The following BTBD16 variants were observed in gnomAD, a reference collection of about 807,000 sequenced individuals.
BTBD16 encodes BTB domain containing 16.
In BTBD16, 66 loss-of-function variants were observed where a neutral mutation model predicts 67.4. That is an observed-to-expected ratio of 0.98 (90% CI 0.80 to 1.20). BTBD16 has a LOEUF of 1.20. BTBD16 is among the 50% of genes most tolerant of loss of function. BTBD16 has a pLI of 0.00. For missense variants in BTBD16, 634 were observed against 616.0 expected, an observed-to-expected ratio of 1.03 and a Z score of -0.31; for synonymous variants, 242 against 236.4, an observed-to-expected ratio of 1.02 and a Z score of -0.22.
rs1202072540 is a variant in BTBD16 at position 122,287,038 on chromosome 10, AG to A, written c.385+791del. Among the ~76,000 whole-genome samples, 4 of 152,218 alleles carry A rather than the reference AG, an allele frequency of 2.6e-5. 1 individual carries two copies. The highest frequency in any genetic ancestry group is 2.6e-4 in the Admixed American group (4 of 15,284). On this transcript the variant is annotated intron_variant, in intron 5 of 15. Coordinates refer to ENST00000260723, the MANE Select transcript of BTBD16 (RefSeq NM_144587.5). ...CCTGTTATTCTAGAGCCAGACAGGC[AG>A]CCGGAGCCCCCAGTCACTCCCCCTC...
intron 7 of BTBD16, among the ~76,000 whole-genome samples, chr10:122,294,871 TC>T (rs1171780561): frequency 6.6e-6 from 1 of 152,222 alleles, no homozygotes; most frequent in Non-Finnish European, 1.5e-5. Flanking sequence ...CACTCATTTC[TC>T]CCCTGCAACT....
intron 9 of BTBD16, among the ~76,000 whole-genome samples, chr10:122,304,702 T>C (rs975095148): frequency 3.3e-5 from 5 of 151,916 alleles, no homozygotes; most frequent in Admixed American, 1.3e-4. Flanking sequence ...CTCAGGCGCC[T>C]GCCACCATGC....
chr10:122,337,318 A>AG (rs1273909241), intron 15 of BTBD16, among the ~76,000 whole-genome samples: 1 of 152,244 alleles, frequency 6.6e-6, no homozygotes, highest in Non-Finnish European at 1.5e-5. Context: ...TATTTTTAAA[A>AG]GCTTCCAGGT....
At chr10:122,319,394 A>C (rs543363157) in intron 10 of BTBD16, among the ~76,000 whole-genome samples, 1 of 152,248 alleles carries the variant, frequency 6.6e-6, no homozygotes, top group South Asian at 2.1e-4. Context: ...TTTTGAGTTA[A>C]GTTTTAAATA....
intron 10 of BTBD16, among the ~76,000 whole-genome samples, chr10:122,308,861 C>T (rs1407301323): frequency 2.6e-5 from 4 of 152,296 alleles, no homozygotes; most frequent in Admixed American, 1.3e-4. Flanking sequence ...AAATGCATCT[C>T]CTGAGCCCCG....
At chr10:122,337,449 T>G (rs561043701) in intron 15 of BTBD16, among the ~76,000 whole-genome samples, 117 of 152,230 alleles carry the variant, frequency 7.7e-4, no homozygotes, top group African/African-American at 2.7e-3. Flanking sequence ...AAATATTTGT[T>G]TTTTTTTGTT....
intron 10 of BTBD16, among the ~76,000 whole-genome samples, chr10:122,316,474 ACAT>A (rs1474172561): frequency 6.6e-6 from 1 of 152,088 alleles, no homozygotes; most frequent in African/African-American, 2.4e-5. Context: ...CCTCGTGCAA[ACAT>A]CATAGGGGGT....
At chr10:122,337,496 G>C (rs10887137) in intron 15 of BTBD16, among the ~76,000 whole-genome samples, 1 of 152,064 alleles carries the variant, frequency 6.6e-6, no homozygotes, top group African/African-American at 2.4e-5. Context: ...ACGGAGTCTC[G>C]CTCTATCGCC....
intron 10 of BTBD16, among the ~76,000 whole-genome samples, chr10:122,328,995 G>T (rs927613844): frequency 2.0e-5 from 3 of 152,070 alleles, no homozygotes; most frequent in Non-Finnish European, 4.4e-5. Context: ...CGCCTAATTT[G>T]GTCACTTACT....
chr10:122,312,148 A>AT (rs1393514554), intron 10 of BTBD16, among the ~76,000 whole-genome samples: 1 of 152,202 alleles, frequency 6.6e-6, no homozygotes, highest in African/African-American at 2.4e-5. Context: ...TTACTATGTC[A>AT]TAGGGTATGG....
intron 10 of BTBD16, among the ~76,000 whole-genome samples, chr10:122,308,703 C>T (rs574745458): frequency 1.3e-5 from 2 of 152,130 alleles, no homozygotes; most frequent in South Asian, 2.1e-4. Flanking sequence ...GATGCTCTCC[C>T]CTGCACACTG....
In BTBD16 at chr10:122,334,942, T is replaced by A. The variant is rs769991851; in HGVS notation, c.1226T>A (p.Leu409His). ...GGATTCTTCTTTAAGATAAAGGGAC[T>A]CAAACATGATACTACCTCTTATAGT... ...LYGFFFKIKGLKHDTTSYSFY... is the reference protein window; with the variant it reads ...LYGFFFKIKGHKHDTTSYSFY... Residue 409 changes from leucine to histidine, a missense_variant, in exon 14 of 16, where the codon CTC (leucine) becomes CAC (histidine). By Grantham distance (99) the Leu-to-His change is moderately conservative (BLOSUM62 -3). Transcript: ENST00000260723. 2.6e-6 allele frequency: 4 copies of A among 1,567,492 alleles called. No individual in the cohort carries two copies. Among genetic ancestry groups the A allele is most frequent in the Admixed American group, 3.4e-5 (2 of 58,658 alleles).
intron 7 of BTBD16, among the ~76,000 whole-genome samples, chr10:122,294,419 T>G (rs1483184871): frequency 6.6e-6 from 1 of 152,220 alleles, no homozygotes; most frequent in Non-Finnish European, 1.5e-5. Flanking sequence ...GCAGTGTGTG[T>G]GCACACAGCT....
intron 10 of BTBD16, among the ~76,000 whole-genome samples, chr10:122,312,494 G>A (rs1277337189): frequency 1.3e-5 from 2 of 151,794 alleles, no homozygotes; most frequent in Admixed American, 1.3e-4. Flanking sequence ...TGTATTTTTA[G>A]TAAAGACGGG....
chr10:122,320,437 C>A (rs1791786878), intron 10 of BTBD16, among the ~76,000 whole-genome samples: 1 of 151,806 alleles, frequency 6.6e-6, no homozygotes. Context: ...GTTTAGTTTG[C>A]CCTTCTTTTC....
chr10:122,331,627 C>T (rs529934621), intron 12 of BTBD16, among the ~76,000 whole-genome samples: 5 of 152,274 alleles, frequency 3.3e-5, no homozygotes, highest in South Asian at 2.1e-4. Context: ...GGAACAACCG[C>T]GTCTCATTTT....
chr10:122,302,051 T>C (rs1446537132), intron 9 of BTBD16, among the ~76,000 whole-genome samples: 1 of 152,194 alleles, frequency 6.6e-6, no homozygotes. Flanking sequence ...GGCCCTTGGC[T>C]TGACTTATCA....
rs2096373127 is a variant in BTBD16, at chr10:122,291,103, C to T, written c.499C>T (p.Leu167Phe). Residue 167 changes from leucine to phenylalanine, a missense_variant, in exon 7 of 16, where the codon CTC (leucine) becomes TTC (phenylalanine). Coordinates refer to ENST00000260723, the MANE Select transcript of BTBD16 (RefSeq NM_144587.5). ...AGCCTTCGCCACGGCCCTGAAGAACCTCTACATGAGTGAGGTGGAGATTAA... is the reference window on the plus strand; with the variant it reads ...AGCCTTCGCCACGGCCCTGAAGAACTTCTACATGAGTGAGGTGGAGATTAA... ...KVAFATALKN[L>F]YMSEVEINLE... 6.2e-7 allele frequency: 1 copy of T among 1,612,674 alleles called. No homozygotes were observed. Among genetic ancestry groups the T allele is most frequent in the Middle Eastern group, 1.7e-4 (1 of 5,974 alleles).
At chr10:122,336,408 A>G in intron 14 of BTBD16, 86 bp from the exon 15 acceptor site, 1 of 1,191,958 alleles carries the variant, frequency 8.4e-7, no homozygotes, top group Non-Finnish European at 1.2e-6. Context: ...ATTATATACC[A>G]GGGTCTATAT....
Sources: gnomAD v4.1 joint callset for allele counts (sites outside exome capture counted in the v4.1 genomes callset) on GRCh38, gnomAD v4.1.1 for gene constraint, MANE v1.5 for transcripts, NCBI Gene and HGNC (gene_info 2026-07-23, HGNC 2026-07-21) for gene names.